LRRTM4: variants seen among roughly 807,000 people sequenced by gnomAD.
LRRTM4 encodes leucine-rich repeat transmembrane neuronal protein 4.
A neutral mutation model predicts 47.6 loss-of-function variants in LRRTM4; 25 were observed. The ratio of observed to expected loss-of-function variants is 0.53; its 90% CI spans 0.38 to 0.73. The LOEUF (loss-of-function observed/expected upper bound fraction) is 0.73. LRRTM4 is among the 30% of genes least tolerant of loss of function. The pLI is 0.00. For synonymous variants in LRRTM4, 311 were observed against 269.5 expected, an observed-to-expected ratio of 1.15 and a Z score of -1.51; for missense variants, 638 against 713.4, an observed-to-expected ratio of 0.89 and a Z score of 1.20.
At chr2:77,142,001 T>C (rs1284625493) in intron 3 of LRRTM4, among the ~76,000 whole-genome samples, 1 of 152,168 alleles carries the variant, frequency 6.6e-6, no homozygotes, top group East Asian at 1.9e-4. Context: ...TTATGAGCAG[T>C]GCTAGACTCA....
At chr2:77,284,060 A>C (rs1004255918) in intron 3 of LRRTM4, among the ~76,000 whole-genome samples, 1 of 152,126 alleles carries the variant, frequency 6.6e-6, no homozygotes, top group Non-Finnish European at 1.5e-5. Flanking sequence ...TCTCCTGTAT[A>C]TCTAAAAATA....
At chr2:77,179,791 G>A (rs1673300999) in intron 3 of LRRTM4, among the ~76,000 whole-genome samples, 1 of 152,060 alleles carries the variant, frequency 6.6e-6, no homozygotes, top group South Asian at 2.1e-4. Context: ...TCTTAATATA[G>A]TCAAAATTGA....
At chr2:76,752,022 A>G (rs1253091229) in intron 3 of LRRTM4, among the ~76,000 whole-genome samples, 1 of 152,200 alleles carries the variant, frequency 6.6e-6, no homozygotes, top group Non-Finnish European at 1.5e-5. Context: ...CAAATTAGCC[A>G]AATTACTAAA....
intron 3 of LRRTM4, among the ~76,000 whole-genome samples, chr2:77,272,109 C>T (rs1049632652): frequency 4.6e-5 from 7 of 152,160 alleles, no homozygotes; most frequent in East Asian, 1.9e-4. Flanking sequence ...CTCCTTTCTT[C>T]TCAGTGAGCA....
At chr2:76,783,046 G>C (rs1164844186) in intron 3 of LRRTM4, among the ~76,000 whole-genome samples, 1 of 151,984 alleles carries the variant, frequency 6.6e-6, no homozygotes, top group African/African-American at 2.4e-5. Context: ...ACACCTTAGA[G>C]ATACACATGC....
chr2:77,334,380 C>A (rs1266523375), intron 3 of LRRTM4, among the ~76,000 whole-genome samples: 1 of 152,152 alleles, frequency 6.6e-6, no homozygotes, highest in Non-Finnish European at 1.5e-5. Flanking sequence ...GTAATTCCCA[C>A]AATTGCCACA....
chr2:77,135,904 G>A (rs2196844), intron 3 of LRRTM4, among the ~76,000 whole-genome samples: 53,950 of 151,688 alleles, frequency 0.36, 10,667 homozygotes, highest in African/African-American at 0.53. Flanking sequence ...AGTCTCAAAT[G>A]TAATTAACAG....
intron 3 of LRRTM4, among the ~76,000 whole-genome samples, chr2:76,970,702 A>G (rs1157252158): frequency 6.6e-6 from 1 of 152,020 alleles, no homozygotes; most frequent in African/African-American, 2.4e-5. Flanking sequence ...AAAAAGCTGA[A>G]CCTCACAACC....
intron 3 of LRRTM4, among the ~76,000 whole-genome samples, chr2:77,398,061 C>T (rs1309139536): frequency 2.0e-5 from 3 of 151,850 alleles, no homozygotes; most frequent in Non-Finnish European, 4.4e-5. Context: ...ACTAGCCTGA[C>T]CCAAAAGAAC....
chr2:76,973,314 T>C (rs1676286248), intron 3 of LRRTM4, among the ~76,000 whole-genome samples: 1 of 151,904 alleles, frequency 6.6e-6, no homozygotes, highest in Non-Finnish European at 1.5e-5. Context: ...AATAGGAGAG[T>C]ACTAGTTGTC....
intron 3 of LRRTM4, among the ~76,000 whole-genome samples, chr2:76,894,096 A>G (rs924913765): frequency 6.6e-6 from 1 of 152,000 alleles, no homozygotes; most frequent in African/African-American, 2.4e-5. Context: ...GTACGATGTT[A>G]AAAATATACA....
At chr2:76,984,280 T>C (rs1005289566) in intron 3 of LRRTM4, among the ~76,000 whole-genome samples, 24 of 152,046 alleles carry the variant, frequency 1.6e-4, no homozygotes, top group African/African-American at 5.6e-4. Flanking sequence ...TTTATATTAG[T>C]ACACATTAAT....
chr2:76,757,763 G>T (rs1673103158), intron 3 of LRRTM4, among the ~76,000 whole-genome samples: 1 of 152,064 alleles, frequency 6.6e-6, no homozygotes, highest in African/African-American at 2.4e-5. Context: ...AAGTTTTAAT[G>T]ACATACAGAA....
rs367931046 is a variant in LRRTM4 at position 77,135,261 on chromosome 2, G to A, written c.1551+383057C>T. ...TGACTCCAGAGGGTTCTCTGCATGC[G>A]GCAGACTCACGTGTTCCTTCTCAGA... is the stretch of plus-strand genomic sequence containing the variant. On this transcript the variant is annotated intron_variant, in intron 3 of 3. Coordinates refer to ENST00000409884, the MANE Select transcript of LRRTM4 (RefSeq NM_001134745.3). 6.6e-5 allele frequency among the ~76,000 whole-genome samples: 10 copies of A among 152,116 alleles called. No homozygotes were observed. In the South Asian group the frequency reaches 1.2e-3, roughly 19 times the overall value.
intron 3 of LRRTM4, among the ~76,000 whole-genome samples, chr2:76,973,390 G>A (rs1460969554): frequency 2.6e-5 from 4 of 151,870 alleles, no homozygotes; most frequent in Non-Finnish European, 5.9e-5. Context: ...TTATATGGGG[G>A]AAATATTTTC....
intron 3 of LRRTM4, among the ~76,000 whole-genome samples, chr2:76,831,036 G>T (rs1334065451): frequency 6.6e-6 from 1 of 152,064 alleles, no homozygotes; most frequent in South Asian, 2.1e-4. Context: ...GAATATTTGT[G>T]TTTGCTCTTA....
At chr2:76,773,862 C>A (rs1472045912) in intron 3 of LRRTM4, among the ~76,000 whole-genome samples, 1 of 150,782 alleles carries the variant, frequency 6.6e-6, no homozygotes, top group East Asian at 1.9e-4. Flanking sequence ...GAGGTTTGAT[C>A]CTGGAATCAA....
intron 3 of LRRTM4, among the ~76,000 whole-genome samples, chr2:77,120,553 A>C (rs963081590): frequency 6.6e-6 from 1 of 151,848 alleles, no homozygotes; most frequent in African/African-American, 2.4e-5. Context: ...AAGCTACATA[A>C]GGTTTTCAAA....
At chr2:77,031,406 G>A (rs991830290) in intron 3 of LRRTM4, among the ~76,000 whole-genome samples, 1 of 152,062 alleles carries the variant, frequency 6.6e-6, no homozygotes, top group African/African-American at 2.4e-5. Flanking sequence ...CATCTGAGGT[G>A]GAATTTAACT....
Sources: allele counts gnomAD v4.1 joint callset (sites outside exome capture counted in the v4.1 genomes callset), GRCh38; gene constraint gnomAD v4.1.1; transcripts MANE v1.5; gene names NCBI Gene and HGNC (gene_info 2026-07-23, HGNC 2026-07-21).